SAMMSON: variants seen among roughly 807,000 people sequenced by gnomAD.
The protein encoded by SAMMSON is long intergenic non-protein coding RNA 1212.
At chr3:70,309,732 A>G (rs1216353390) in intron 7 of SAMMSON, among the ~76,000 whole-genome samples, 2 of 152,206 alleles carry the variant, frequency 1.3e-5, no homozygotes, top group African/African-American at 2.4e-5. Context: ...ATAATTCCCA[A>G]TTAAGATGTT....
At chr3:70,073,115 T>C (rs1472932611) in intron 4 of SAMMSON, among the ~76,000 whole-genome samples, 1 of 151,892 alleles carries the variant, frequency 6.6e-6, no homozygotes, top group African/African-American at 2.4e-5. Flanking sequence ...CAGTCAGAGA[T>C]GGGTAAATAA....
intron 7 of SAMMSON, among the ~76,000 whole-genome samples, chr3:70,349,577 G>T (rs1019810456): frequency 2.0e-5 from 3 of 152,130 alleles, no homozygotes; most frequent in African/African-American, 7.2e-5. Context: ...GGGTTGTTGA[G>T]AGGAGGAAAA....
intron 6 of SAMMSON, among the ~76,000 whole-genome samples, chr3:70,286,811 C>T (rs942940896): frequency 1.5e-4 from 23 of 152,134 alleles, no homozygotes; most frequent in Non-Finnish European, 2.9e-5. Context: ...ATTTTATTCT[C>T]TTTGAAGCAA....
intron 2 of SAMMSON, among the ~76,000 whole-genome samples, chr3:70,416,728 G>A (rs971946979): frequency 6.6e-6 from 1 of 151,886 alleles, no homozygotes; most frequent in African/African-American, 2.4e-5. Context: ...ACTGTTTAAA[G>A]GGATCTATAT....
At chr3:70,230,715 T>C (rs1349382583) in intron 4 of SAMMSON, among the ~76,000 whole-genome samples, 1 of 152,204 alleles carries the variant, frequency 6.6e-6, no homozygotes, top group Non-Finnish European at 1.5e-5. Flanking sequence ...CTGTAAGTGG[T>C]GGTTTGTCTG....
At chr3:70,274,007 C>T (rs963765876) in intron 6 of SAMMSON, among the ~76,000 whole-genome samples, 1 of 150,534 alleles carries the variant, frequency 6.6e-6, no homozygotes, top group African/African-American at 2.5e-5. Context: ...TCTCTCAAAA[C>T]TAAGATGCCA....
chr3:70,006,874 A>T (rs1322001090), intron 1 of SAMMSON, among the ~76,000 whole-genome samples: 5 of 132,948 alleles, frequency 3.8e-5, no homozygotes, highest in African/African-American at 1.4e-4. Context: ...TTCAATTCCC[A>T]CCTATGAGTG....
At chr3:70,309,531 A>G (rs1034325828) in intron 7 of SAMMSON, among the ~76,000 whole-genome samples, 1 of 152,192 alleles carries the variant, frequency 6.6e-6, no homozygotes, top group Non-Finnish European at 1.5e-5. Flanking sequence ...GCTCAGGGAG[A>G]TAAAGTAACA....
chr3:70,179,400 T>A (rs1260041791), intron 4 of SAMMSON, among the ~76,000 whole-genome samples: 2 of 152,240 alleles, frequency 1.3e-5, no homozygotes, highest in African/African-American at 2.4e-5. Flanking sequence ...TACGTGGGAC[T>A]GCAGTACCTA....
intron 4 of SAMMSON, among the ~76,000 whole-genome samples, chr3:70,173,491 T>C (rs1240348487): frequency 1.3e-5 from 2 of 151,920 alleles, no homozygotes; most frequent in Admixed American, 6.6e-5. Context: ...AAATATATGG[T>C]ATACGTTTTA....
intron 3 of SAMMSON, among the ~76,000 whole-genome samples, chr3:70,028,178 C>CTTT (rs1553711356): frequency 0.02 from 1,427 of 69,906 alleles, 14 homozygotes; most frequent in Non-Finnish European, 0.03. Context: ...TTCCTTCCTT[C>CTTT]CTTCCTTCCT....
chr3:70,312,019 C>T (rs1487458764), intron 7 of SAMMSON: 2 of 396,834 alleles, frequency 5.0e-6, no homozygotes, highest in Non-Finnish European at 8.9e-6. Context: ...ATTAAGAACC[C>T]AAATTTATAA....
intron 6 of SAMMSON, among the ~76,000 whole-genome samples, chr3:70,287,668 G>A (rs1395747990): frequency 6.6e-6 from 1 of 151,996 alleles, no homozygotes; most frequent in Non-Finnish European, 1.5e-5. Flanking sequence ...GTAGAATTTG[G>A]CTGTGAATCC....
chr3:70,310,434 C>T (rs928549466), intron 7 of SAMMSON, among the ~76,000 whole-genome samples: 1 of 151,066 alleles, frequency 6.6e-6, no homozygotes, highest in African/African-American at 2.4e-5. Context: ...GGTGTGATCT[C>T]GGCTCACTGC....
intron 7 of SAMMSON, among the ~76,000 whole-genome samples, chr3:70,305,389 C>A (rs1212822130): frequency 5.9e-5 from 9 of 152,018 alleles, no homozygotes; most frequent in Admixed American, 5.9e-4. Flanking sequence ...TAAAAAGAGT[C>A]TCAAGATATG....
chr3:70,177,537 A>G (rs1701017299), intron 4 of SAMMSON, among the ~76,000 whole-genome samples: 1 of 152,220 alleles, frequency 6.6e-6, no homozygotes, highest in African/African-American at 2.4e-5. Context: ...TGGACAATGT[A>G]TAATATGCTG....
chr3:70,286,137 C>T (rs1180431644), intron 6 of SAMMSON, among the ~76,000 whole-genome samples: 1 of 152,168 alleles, frequency 6.6e-6, no homozygotes, highest in Non-Finnish European at 1.5e-5. Context: ...CTTGCCCATG[C>T]CTATGTCCTG....
At chr3:70,362,475 A>C (rs1702880217) in intron 9 of SAMMSON, among the ~76,000 whole-genome samples, 1 of 152,124 alleles carries the variant, frequency 6.6e-6, no homozygotes, top group Non-Finnish European at 1.5e-5. Context: ...TGGTAGAACC[A>C]TACCAATAGT....
intron 4 of SAMMSON, among the ~76,000 whole-genome samples, chr3:70,224,402 T>C (rs1194902894): frequency 6.6e-6 from 1 of 152,206 alleles, no homozygotes; most frequent in Non-Finnish European, 1.5e-5. Context: ...CTCCTACCTA[T>C]TCTAGAAGCC....
Sources: allele counts gnomAD v4.1 joint callset (sites outside exome capture counted in the v4.1 genomes callset), GRCh38; gene constraint gnomAD v4.1.1; transcripts MANE v1.5; gene names NCBI Gene and HGNC (gene_info 2026-07-23, HGNC 2026-07-21).